MBD1: variants seen among roughly 807,000 people sequenced by gnomAD.
MBD1 encodes methyl-CpG-binding domain protein 1.
A neutral mutation model predicts 82.6 loss-of-function variants in MBD1; 25 were observed. The ratio of observed to expected loss-of-function variants is 0.30; its 90% confidence interval spans 0.22 to 0.42. The LOEUF (loss-of-function observed/expected upper bound fraction) is 0.42, where lower values mean the gene tolerates loss of function less well. Ranked by LOEUF, MBD1 falls within the 10% of genes least tolerant of loss-of-function variation. MBD1 has a pLI of 1.00. For missense variants in MBD1, 627 were observed against 819.6 expected (o/e 0.76, Z 2.87); for synonymous variants, 301 against 303.7 (o/e 0.99, Z 0.09).
chr18:50,271,102 A>G, intron 16 of MBD1: 1 of 1,095,478 alleles, frequency 9.1e-7, no homozygotes, highest in East Asian at 6.4e-5. Context: ...CTGAGGAAGT[A>G]TGTAGAGACA....
In MBD1 at chr18:50,276,634, G is replaced by A. The variant is rs376558053; in HGVS notation, c.475+28C>T. On this transcript the variant is annotated intron_variant, in intron 5 of 16. Coordinates refer to ENST00000269468, the MANE Select transcript of MBD1 (RefSeq NM_015846.4). ...GGACCTGCTCCAGCTCCTATCTCCC[G>A]ATGCCCCATCCTCTGGAGGCCACTC... 17 of 1,611,832 alleles carry A rather than the reference G, an allele frequency of 1.1e-5. No individual in the cohort carries two copies. The East Asian group carries it at 1.1e-4, about 11-fold the overall frequency.
At chr18:50,267,307 A>C (rs1184230805), downstream of MBD1, 1 of 407,924 alleles carries the variant, frequency 2.5e-6, no homozygotes, top group African/African-American at 2.0e-5. Context: ...GGCAAAGCTC[A>C]GGGAGCCTAA....
chr18:50,271,316 A>G (rs1316954399), intron 16 of MBD1, 153 bp downstream of exon 16: 2 of 1,523,588 alleles, frequency 1.3e-6, no homozygotes, highest in African/African-American at 2.8e-5. Flanking sequence ...TACTTCTTCT[A>G]GAAGCTCAAA....
Position 50,279,846 on chromosome 18 carries a change from AC to A in MBD1, c.110+36del, listed in dbSNP as rs757739510. Reference sequence around the variant, plus strand: ...TTTGATTTTACCAGAATCAGGCTCTACCCCACTCCTGACTCTGCCCACTACC... The same window carrying A: ...TTTGATTTTACCAGAATCAGGCTCTACCCACTCCTGACTCTGCCCACTACC... On this transcript the variant is annotated intron_variant, in intron 2 of 16. Transcript: ENST00000269468. 11 of 1,613,342 alleles carry A rather than the reference AC, an allele frequency of 6.8e-6. No individual in the cohort carries two copies. In the African/African-American group the frequency reaches 1.3e-4, roughly 20 times the overall value.
chr18:50,271,037 C>T (rs1260781130), intron 16 of MBD1: 1 of 1,015,010 alleles, frequency 9.9e-7, no homozygotes, highest in Non-Finnish European at 1.2e-6. Context: ...GAGGAACACA[C>T]CAAATAGCAG....
chr18:50,272,986 G>T, intron 13 of MBD1, 31 bp from the exon 14 acceptor site: 1 of 1,613,830 alleles, frequency 6.2e-7, no homozygotes, highest in Non-Finnish European at 8.5e-7. Flanking sequence ...GCAACCATTA[G>T]AAGGGCAGAG....
chr18:50,276,150 T>G (rs1025370076), intron 6 of MBD1, 169 bp from the exon 7 acceptor site: 7 of 886,362 alleles, frequency 7.9e-6, no homozygotes, highest in African/African-American at 6.6e-5. Context: ...GCCATTAGTA[T>G]GTCTACTGGT....
At position 50,274,360 on chromosome 18, in the gene MBD1, TG is replaced by T; in HGVS notation, c.979-8del. Reference sequence around the variant, plus strand: ...GGCGGTTCGTGTAGGGCTGCTGGGGTGGGGGGAATGGGTGGTGCTGTCAACT... The same window carrying T: ...GGCGGTTCGTGTAGGGCTGCTGGGGTGGGGGAATGGGTGGTGCTGTCAACT... On this transcript the variant is annotated splice_region_variant and splice_polypyrimidine_tract_variant and intron_variant, in intron 10 of 16. Transcript: ENST00000269468. 6.2e-7 allele frequency: 1 copy of T among 1,607,990 alleles called. No homozygotes were observed.
At chr18:50,279,450 C>T (rs770287861) in intron 2 of MBD1, among the ~76,000 whole-genome samples, 1 of 152,194 alleles carries the variant, frequency 6.6e-6, no homozygotes, top group Non-Finnish European at 1.5e-5. Flanking sequence ...CCATAAAGCA[C>T]GACATAGTCT....
At chr18:50,275,462 G>A (rs779338341) in intron 8 of MBD1, 138 bp downstream of exon 8, 15 of 1,596,860 alleles carry the variant, frequency 9.4e-6, no homozygotes, top group Admixed American at 3.5e-5. Context: ...ACAGAGGCAG[G>A]TAGGCGGGGC....
chr18:50,274,905 G>T, intron 10 of MBD1, 72 bp downstream of exon 10: 1 of 1,496,478 alleles, frequency 6.7e-7, no homozygotes. Flanking sequence ...GCTCATTCCA[G>T]CATCTGCTTC....
intron 1 of MBD1, 105 bp from the exon 2 acceptor site, chr18:50,280,122 C>T: frequency 8.7e-7 from 1 of 1,150,826 alleles, no homozygotes; most frequent in South Asian, 1.5e-5. Context: ...TTGCCCAAGC[C>T]CTAGGACCTG....
At chr18:50,279,264 T>C (rs1303424594) in intron 2 of MBD1, among the ~76,000 whole-genome samples, 1 of 152,226 alleles carries the variant, frequency 6.6e-6, no homozygotes, top group African/African-American at 2.4e-5. Context: ...TCTCATCTCT[T>C]ACATAGCTTC....
At chr18:50,275,305 C>A in intron 8 of MBD1, 60 bp from the exon 9 acceptor site, 1 of 1,610,776 alleles carries the variant, frequency 6.2e-7, no homozygotes, top group Non-Finnish European at 8.5e-7. Flanking sequence ...ACAGAAACTC[C>A]CCACACCCTA....
intron 15 of MBD1, 47 bp downstream of exon 15, chr18:50,272,630 C>A (rs760515909): frequency 5.0e-6 from 8 of 1,606,104 alleles, no homozygotes; most frequent in Non-Finnish European, 6.8e-6. Context: ...GGGCCCACAT[C>A]TGGCCAACAC....
In MBD1 at chr18:50,269,111, T is replaced by G. The variant is rs2034439923; in HGVS notation, c.*740A>C. 5 of 1,021,686 alleles carry G rather than the reference T, an allele frequency of 4.9e-6. No homozygotes were observed. Among genetic ancestry groups the G allele is most frequent in the Non-Finnish European group, 4.7e-6 (4 of 851,288 alleles). 63.3% of individuals were successfully genotyped at this position (1,021,686 alleles called of 1,614,324 possible). ...TTCTGTATCCTAGTATTAAGTACAG[T>G]GCCTACCACAGGCCAGGTTCTCAAT... On this transcript the variant is annotated 3_prime_UTR_variant, in exon 17 of 17. Transcript: ENST00000269468.
chr18:50,269,444 T>A lies in MBD1; in HGVS notation c.*407A>T. 1.3e-6 allele frequency: 1 copy of A among 797,028 alleles called. No homozygotes were observed. Among genetic ancestry groups the A allele is most frequent in the Non-Finnish European group, 2.0e-6 (1 of 498,858 alleles). The allele number at this position is 797,028 out of a possible 1,614,324, so 49.4% of individuals were successfully genotyped here. A position where few individuals can be genotyped will look rare whatever the true frequency, so the allele number is the denominator to read the frequency against. ...GGGCGGAAGTGAAGCAGCAGCACAT[T>A]GTTTTTACACTTGGAAGGTTGGTGC... On this transcript the variant is annotated 3_prime_UTR_variant, in exon 17 of 17. Coordinates refer to ENST00000269468, the MANE Select transcript of MBD1 (RefSeq NM_015846.4).
chr18:50,270,628 G>C, intron 16 of MBD1: 1 of 311,984 alleles, frequency 3.2e-6, no homozygotes, highest in Non-Finnish European at 6.4e-6. Flanking sequence ...GATATATCCT[G>C]TAGGGTTTGA....
intron 15 of MBD1, 189 bp downstream of exon 15, chr18:50,272,488 T>G (rs537320774): frequency 1.4e-6 from 1 of 699,544 alleles, no homozygotes; most frequent in East Asian, 2.6e-5. Flanking sequence ...GGAATGCTAT[T>G]GGGCTGGATC....
Sources: gnomAD v4.1 joint callset for allele counts (sites outside exome capture counted in the v4.1 genomes callset) on GRCh38, gnomAD v4.1.1 for gene constraint, MANE v1.5 for transcripts, NCBI Gene and HGNC (gene_info 2026-07-23, HGNC 2026-07-21) for gene names.